Variants in IKZF1 observed in about 807,000 individuals in gnomAD.
The protein encoded by IKZF1 is DNA-binding protein Ikaros.
In IKZF1, 10 loss-of-function variants were observed where a neutral mutation model predicts 51.7. The ratio of observed to expected loss-of-function variants is 0.19; its 90% CI spans 0.12 to 0.33. The LOEUF (loss-of-function observed/expected upper bound fraction) is 0.33, where lower values mean the gene tolerates loss of function less well. Ranked by LOEUF, IKZF1 falls within the 10% of genes least tolerant of loss-of-function variation. The pLI, the probability that IKZF1 is intolerant of heterozygous loss-of-function variation, is 1.00. For synonymous variants in IKZF1, 280 were observed against 282.3 expected, an observed-to-expected ratio of 0.99 and a Z score of 0.08; for missense variants, 484 against 707.5, an observed-to-expected ratio of 0.68 and a Z score of 3.58.
In IKZF1 at chr7:50,401,765, T is replaced by C. The variant is rs1818168600; in HGVS notation, c.*1138T>C. 2 of 219,726 alleles carry C rather than the reference T, an allele frequency of 9.1e-6. No individual in the cohort carries two copies. Among genetic ancestry groups the C allele is most frequent in the Non-Finnish European group, 1.8e-5 (2 of 109,462 alleles). The allele number at this position is 219,726 out of a possible 1,614,324, so 13.6% of individuals were successfully genotyped here. A position where few individuals can be genotyped will look rare whatever the true frequency, so the allele number is the denominator to read the frequency against. Reference sequence around the variant, plus strand: ...CGTTTTAAAACCCATAAAGGAGTGATTTAGAACAGTCATTAATTTTCAACT... The same window carrying C: ...CGTTTTAAAACCCATAAAGGAGTGACTTAGAACAGTCATTAATTTTCAACT... On this transcript the variant is annotated 3_prime_UTR_variant, in exon 8 of 8. Coordinates refer to ENST00000331340, the MANE Select transcript of IKZF1 (RefSeq NM_006060.6).
chr7:50,313,205 G>T (rs1234855471), intron 1 of IKZF1, among the ~76,000 whole-genome samples: 4 of 152,202 alleles, frequency 2.6e-5, no homozygotes, highest in Non-Finnish European at 5.9e-5. Context: ...GAAGATGAAA[G>T]GACTTGTCTC....
Position 50,376,482 on chromosome 7 carries a change from AGTT to A in IKZF1, c.161-50_161-48del. On this transcript the variant is annotated intron_variant, in intron 3 of 7. Transcript: ENST00000331340. The surrounding 1 kb of genome is among the most constrained non-coding windows in gnomAD (Gnocchi z 4.5). ...TTTTTGCTGCTGTGTTGTTTTGTTGAGTTTTTTTTTTGCAATGACACTGAGTGG... is the reference window on the plus strand; with the variant it reads ...TTTTTGCTGCTGTGTTGTTTTGTTGATTTTTTTTGCAATGACACTGAGTGG... 1 of 1,588,928 alleles carries A rather than the reference AGTT, an allele frequency of 6.3e-7. No homozygotes were observed.
chr7:50,374,226 AC>A (rs1809567997), intron 3 of IKZF1, among the ~76,000 whole-genome samples: 1 of 152,170 alleles, frequency 6.6e-6, no homozygotes, highest in Non-Finnish European at 1.5e-5. Flanking sequence ...TGGAAATTCA[AC>A]CCACTGTGGC....
At position 50,321,292 on chromosome 7, in the gene IKZF1, A is replaced by T. The variant is rs185611163; in HGVS notation, c.40+2191A>T. Reference sequence around the variant, plus strand: ...TTCGTAAACAAAAAAGCACAAAAACAAAAAACGAGTTAAATGGGAAAAAAA... The same window carrying T: ...TTCGTAAACAAAAAAGCACAAAAACTAAAAACGAGTTAAATGGGAAAAAAA... On this transcript the variant is annotated intron_variant, in intron 2 of 7. Transcript: ENST00000331340. 3.9e-4 allele frequency among the ~76,000 whole-genome samples: 59 copies of T among 152,342 alleles called. 2 individuals are homozygous for T. The highest frequency in any genetic ancestry group is 1.4e-3 in the African/African-American group (58 of 41,570).
chr7:50,369,837 G>A (rs1808134186), intron 3 of IKZF1: 1 of 361,282 alleles, frequency 2.8e-6, no homozygotes. Flanking sequence ...TCCATTTAAA[G>A]GCCTTAAATT....
At chr7:50,372,441 C>G (rs1248087129) in intron 3 of IKZF1, among the ~76,000 whole-genome samples, 1 of 152,182 alleles carries the variant, frequency 6.6e-6, no homozygotes, top group Non-Finnish European at 1.5e-5. Flanking sequence ...AGAAGTTGTC[C>G]GAATAGTGCT....
intron 2 of IKZF1, among the ~76,000 whole-genome samples, chr7:50,326,519 T>C (rs1265950885): frequency 6.6e-6 from 1 of 152,238 alleles, no homozygotes; most frequent in African/African-American, 2.4e-5. Context: ...AGTTGCAGCT[T>C]CAGTGGAGAA....
chr7:50,322,467 A>G (rs1793646086), intron 2 of IKZF1, among the ~76,000 whole-genome samples: 4 of 152,152 alleles, frequency 2.6e-5, no homozygotes, highest in African/African-American at 9.7e-5. Flanking sequence ...ACCCTGGTTT[A>G]CAGTGTCTCA....
At chr7:50,327,930 G>A (rs1394727318) in intron 3 of IKZF1, 173 bp downstream of exon 3, 4 of 744,616 alleles carry the variant, frequency 5.4e-6, no homozygotes, top group Non-Finnish European at 8.4e-6. Context: ...TGTGTGGGAG[G>A]ATGGACACTC....
chr7:50,337,592 C>T (rs1373014875), intron 3 of IKZF1, among the ~76,000 whole-genome samples: 2 of 152,202 alleles, frequency 1.3e-5, no homozygotes, highest in African/African-American at 2.4e-5. Context: ...ACCTGGGCAT[C>T]CCCCAGCCTA....
intron 2 of IKZF1, among the ~76,000 whole-genome samples, chr7:50,325,964 A>G (rs1026696175): frequency 9.9e-5 from 15 of 152,244 alleles, no homozygotes; most frequent in African/African-American, 3.6e-4. Context: ...AATATACCCA[A>G]TAATGCTCTT....
At chr7:50,380,617 A>T (rs1297266023) in intron 4 of IKZF1, among the ~76,000 whole-genome samples, 1 of 152,246 alleles carries the variant, frequency 6.6e-6, no homozygotes, top group Non-Finnish European at 1.5e-5. Context: ...TTTTTGTGAC[A>T]TGAGCTTTCT....
Position 50,400,754 on chromosome 7 carries a change from C to G in IKZF1, c.*127C>G. 2.4e-6 allele frequency: 3 copies of G among 1,257,062 alleles called. No individual in the cohort carries two copies. The highest frequency in any genetic ancestry group is 3.2e-6 in the Non-Finnish European group (3 of 924,330). The allele number at this position is 1,257,062 out of a possible 1,614,324, so 77.9% of individuals were successfully genotyped here. On this transcript the variant is annotated 3_prime_UTR_variant, in exon 8 of 8. Transcript: ENST00000331340. This position sits in a 1 kb window ranked among gnomAD's most constrained non-coding sequence, Gnocchi z 5.4. ...GACAATGTTGTGTTTGGATTTGTAACTGTTTTTTGTTTTTTGTTTGAGTTG... is the reference window on the plus strand; with the variant it reads ...GACAATGTTGTGTTTGGATTTGTAAGTGTTTTTTGTTTTTTGTTTGAGTTG...
Position 50,400,183 on chromosome 7 carries a change from C to A in IKZF1, c.1116C>A (p.Asn372Lys). 2 of 1,570,256 alleles carry A rather than the reference C, an allele frequency of 1.3e-6. No individual in the cohort carries two copies. Among genetic ancestry groups the A allele is most frequent in the South Asian group, 2.3e-5 (2 of 86,136 alleles). ...NHSAQDSAVE[N>K]LLLLSKAKLV... is the part of the protein sequence containing the mutation. ...CGGCCCAGGACAGCGCCGTGGAGAA[C>A]CTGCTGCTGCTCTCCAAGGCCAAGT... Residue 372 changes from asparagine (N) to lysine (K), a missense_variant, in exon 8 of 8, where the codon AAC becomes AAA. Physicochemically the swap from Asn to Lys is moderately conservative, Grantham distance 94. Coordinates refer to ENST00000331340, the MANE Select transcript of IKZF1 (RefSeq NM_006060.6). The surrounding 1 kb of genome is among the most constrained non-coding windows in gnomAD (Gnocchi z 5.4).
intron 1 of IKZF1, among the ~76,000 whole-genome samples, chr7:50,314,559 G>C (rs577683501): frequency 6.6e-6 from 1 of 152,358 alleles, no homozygotes; most frequent in Admixed American, 6.5e-5. Flanking sequence ...TGCTAGAAAA[G>C]TAGTAAAGTT....
At chr7:50,374,603 G>A (rs75742253) in intron 3 of IKZF1, among the ~76,000 whole-genome samples, 11,101 of 152,276 alleles carry the variant, frequency 0.073, 557 homozygotes, top group South Asian at 0.095. Context: ...TGTGCCCAGC[G>A]TGTGGTATTG....
At chr7:50,382,875 C>T (rs1158338061) in intron 5 of IKZF1, among the ~76,000 whole-genome samples, 168 bp downstream of exon 5, 2 of 152,142 alleles carry the variant, frequency 1.3e-5, no homozygotes, top group Non-Finnish European at 2.9e-5. Flanking sequence ...CCCATCCCCC[C>T]TCCCCATATT....
chr7:50,356,296 A>G (rs537448811), intron 3 of IKZF1, among the ~76,000 whole-genome samples: 1 of 152,266 alleles, frequency 6.6e-6, no homozygotes, highest in East Asian at 1.9e-4. Flanking sequence ...TTCTGGATCT[A>G]GTACCCTGTG....
intron 3 of IKZF1, among the ~76,000 whole-genome samples, chr7:50,335,147 G>T (rs1306646511): frequency 6.6e-6 from 1 of 150,474 alleles, no homozygotes; most frequent in African/African-American, 2.5e-5. Flanking sequence ...TATGTGTGAT[G>T]TGTATGTGTA....
Sources: gnomAD v4.1 joint callset for allele counts (sites outside exome capture counted in the v4.1 genomes callset) on GRCh38, gnomAD v4.1.1 for gene constraint, Gnocchi (gnomAD v3.1) non-coding constraint, MANE v1.5 for transcripts, NCBI Gene and HGNC (gene_info 2026-07-23, HGNC 2026-07-21) for gene names.